AK9: variants seen among roughly 807,000 people sequenced by gnomAD.
The protein encoded by AK9 is adenylate kinase domain containing 1.
Under a neutral mutation model 239.6 loss-of-function variants are expected in AK9, and 191 were observed. The ratio of observed to expected loss-of-function variants is 0.80; its 90% confidence interval spans 0.71 to 0.90. The LOEUF is 0.90. Ranked by LOEUF, AK9 falls within the 40% of genes least tolerant of loss-of-function variation. The probability of loss-of-function intolerance (pLI) is 0.00; values close to 1 mark genes in which losing one functional copy is unlikely to be tolerated. For missense variants in AK9, 1,995 were observed against 2,214.7 expected (o/e 0.90, Z 1.99); for synonymous variants, 689 against 721.0 (o/e 0.96, Z 0.71).
At chr6:109,505,311 C>A (rs1403076754) in intron 35 of AK9, among the ~76,000 whole-genome samples, 1 of 152,198 alleles carries the variant, frequency 6.6e-6, no homozygotes, top group Non-Finnish European at 1.5e-5. Context: ...TAAACACAAT[C>A]ATTAAACAGA....
At chr6:109,663,030 A>G (rs1002227877) in intron 5 of AK9, among the ~76,000 whole-genome samples, 3 of 152,240 alleles carry the variant, frequency 2.0e-5, no homozygotes, top group South Asian at 4.1e-4. Context: ...GTTGCATGCC[A>G]TATTTATTTT....
intron 29 of AK9, among the ~76,000 whole-genome samples, chr6:109,517,961 G>A (rs1055797810): frequency 6.6e-6 from 1 of 152,076 alleles, no homozygotes; most frequent in African/African-American, 2.4e-5. Context: ...CTCCCAGGAT[G>A]AGAGTCCTGG....
At chr6:109,522,355 T>C (rs907779224) in intron 29 of AK9, among the ~76,000 whole-genome samples, 1 of 152,024 alleles carries the variant, frequency 6.6e-6, no homozygotes. Flanking sequence ...CTAACATTTC[T>C]TAGAATATTT....
chr6:109,664,979 G>A (rs1800980455), intron 5 of AK9, among the ~76,000 whole-genome samples: 1 of 152,066 alleles, frequency 6.6e-6, no homozygotes, highest in Non-Finnish European at 1.5e-5. Flanking sequence ...GGCAGAGGTT[G>A]CAGTTAGCCG....
chr6:109,593,823 G>T (rs768907149), intron 17 of AK9, among the ~76,000 whole-genome samples: 3 of 152,120 alleles, frequency 2.0e-5, no homozygotes, highest in Non-Finnish European at 4.4e-5. Context: ...ACCCCGTCAT[G>T]CTAAAAACTC....
chr6:109,532,047 C>T (rs1016860224), intron 28 of AK9, among the ~76,000 whole-genome samples: 4 of 152,102 alleles, frequency 2.6e-5, no homozygotes, highest in African/African-American at 9.7e-5. Flanking sequence ...AGAGGAACTG[C>T]TTGGTTTTAA....
At chr6:109,658,985 G>A (rs1377147202) in intron 7 of AK9, among the ~76,000 whole-genome samples, 2 of 152,118 alleles carry the variant, frequency 1.3e-5, no homozygotes, top group African/African-American at 2.4e-5. Flanking sequence ...AGCACACTAG[G>A]TGTCAGAACA....
intron 5 of AK9, among the ~76,000 whole-genome samples, chr6:109,668,331 C>T (rs1410044171): frequency 6.6e-6 from 1 of 151,732 alleles, no homozygotes; most frequent in Non-Finnish European, 1.5e-5. Context: ...CAAAAATTTT[C>T]TCCCATTCTG....
intron 26 of AK9, among the ~76,000 whole-genome samples, chr6:109,544,405 G>C (rs1239660672): frequency 1.3e-5 from 2 of 152,114 alleles, no homozygotes; most frequent in African/African-American, 4.8e-5. Context: ...CTGGAGGTGG[G>C]GTCTGGTGAG....
At chr6:109,657,534 C>T (rs994329414) in intron 7 of AK9, among the ~76,000 whole-genome samples, 2 of 141,438 alleles carry the variant, frequency 1.4e-5, no homozygotes, top group African/African-American at 5.0e-5. Context: ...AGAGAACTGC[C>T]ACACAAGTTT....
At chr6:109,506,927 T>C in intron 33 of AK9, 127 bp from the exon 34 acceptor site, 1 of 1,355,418 alleles carries the variant, frequency 7.4e-7, no homozygotes, top group Non-Finnish European at 9.6e-7. Context: ...ACTCAATTTA[T>C]TTTCTTCACA....
At chr6:109,622,642 T>C (rs1271358229) in intron 12 of AK9, among the ~76,000 whole-genome samples, 1 of 147,394 alleles carries the variant, frequency 6.8e-6, no homozygotes, top group African/African-American at 2.5e-5. Context: ...ATATAATATA[T>C]AATGTGTATT....
At chr6:109,585,100 T>A (rs1330441032) in intron 19 of AK9, 23 bp downstream of exon 19, 1 of 1,097,214 alleles carries the variant, frequency 9.1e-7, no homozygotes, top group Admixed American at 4.4e-5. Context: ...TTAATCTGTT[T>A]TATCATTCTA....
At chr6:109,641,752 C>A in intron 9 of AK9, 136 bp from the exon 10 acceptor site, 2 of 687,692 alleles carry the variant, frequency 2.9e-6, no homozygotes, top group South Asian at 1.8e-5. Flanking sequence ...CTTCTGGCTT[C>A]TGGCTGTTTG....
At chr6:109,630,168 T>C (rs944302400) in intron 12 of AK9, among the ~76,000 whole-genome samples, 3 of 152,092 alleles carry the variant, frequency 2.0e-5, no homozygotes, top group Non-Finnish European at 4.4e-5. Context: ...TAGTTAAAAA[T>C]GATATTACCT....
At chr6:109,680,032 A>G (rs1196703237) in intron 1 of AK9, among the ~76,000 whole-genome samples, 1 of 152,204 alleles carries the variant, frequency 6.6e-6, no homozygotes, top group African/African-American at 2.4e-5. Flanking sequence ...TCCAAAAACC[A>G]GAATGCCTCT....
intron 17 of AK9, among the ~76,000 whole-genome samples, chr6:109,608,405 G>A (rs1422650381): frequency 1.3e-4 from 19 of 151,020 alleles, no homozygotes; most frequent in Admixed American, 1.3e-3. Flanking sequence ...CTTGATATAT[G>A]ATAGTGGAGA....
intron 17 of AK9, among the ~76,000 whole-genome samples, chr6:109,600,697 C>T (rs531749535): frequency 5.3e-5 from 8 of 152,322 alleles, no homozygotes; most frequent in South Asian, 2.1e-4. Context: ...GGCTGTGAAT[C>T]TGTCTGGTCC....
rs533264071 is a variant in AK9, at chr6:109,637,678, T to C, written c.933+3840A>G. 5.9e-5 allele frequency among the ~76,000 whole-genome samples: 9 copies of C among 152,308 alleles called. No homozygotes were observed. In the South Asian group the frequency reaches 1.9e-3, roughly 32 times the overall value. ...TTAAAAAGCTTCCTAGATGACCCCA[T>C]TTTGCAGTCAGGGCTGGGACCCACT... On this transcript the variant is annotated intron_variant, in intron 10 of 40. Transcript: ENST00000424296.
Sources: gnomAD v4.1 joint callset for allele counts (sites outside exome capture counted in the v4.1 genomes callset) on GRCh38, gnomAD v4.1.1 for gene constraint, MANE v1.5 for transcripts, NCBI Gene and HGNC (gene_info 2026-07-23, HGNC 2026-07-21) for gene names.